MUC4: variants seen among roughly 807,000 people sequenced by gnomAD.
MUC4 encodes the protein mucin-4.
Under a neutral mutation model 257.9 loss-of-function variants are expected in MUC4, and 202 were observed. The observed-to-expected ratio is 0.78, with a 90% CI of 0.70 to 0.88. The LOEUF (loss-of-function observed/expected upper bound fraction) is 0.88. Among genes scored for constraint, MUC4 ranks in the 40% least tolerant of loss-of-function variants. MUC4 has a pLI of 0.00. For synonymous variants in MUC4, 2,351 were observed against 2,757.1 expected (o/e 0.85, Z 4.62); for missense variants, 5,976 against 6,513.7 (o/e 0.92, Z 2.84).
intron 16 of MUC4, 27 bp downstream of exon 16, chr3:195,760,857 G>A: frequency 1.9e-6 from 3 of 1,600,472 alleles, no homozygotes. Flanking sequence ...ACTCTGAAAA[G>A]GCCTCCCCAG....
At position 195,749,069 on chromosome 3, in the gene MUC4, C is replaced by T. The variant is rs551300123; in HGVS notation, c.15872-5G>A. The stretch of plus-strand genomic sequence containing the variant: ...CCTTCAGCGTGCTCACGTTCACTGT[C>T]GGGAAGGACACAGATTAACACAGAA... On this transcript the variant is annotated splice_polypyrimidine_tract_variant and splice_region_variant and intron_variant, in intron 23 of 24. Coordinates refer to ENST00000463781, the MANE Select transcript of MUC4 (RefSeq NM_018406.7). The T allele has an allele frequency of 9.3e-6, 15 of 1,609,280 alleles. No homozygotes were observed. Among genetic ancestry groups the T allele is most frequent in the African/African-American group, 2.7e-5 (2 of 74,810 alleles).
chr3:195,778,785 G>T lies in MUC4; in HGVS notation c.12790+5C>A. 6.2e-7 allele frequency: 1 copy of T among 1,605,706 alleles called. No homozygotes were observed. Among genetic ancestry groups the T allele is most frequent in the Non-Finnish European group, 8.5e-7 (1 of 1,175,408 alleles). ...AGACATAAAGGCGAGGCAGTTGGCA[G>T]CTACCTGGTGTTTCCATCTTCAGAG... On this transcript the variant is annotated splice_donor_5th_base_variant and intron_variant, in intron 2 of 24. Coordinates refer to ENST00000463781, the MANE Select transcript of MUC4 (RefSeq NM_018406.7).
At chr3:195,775,097 A>G (rs921927870) in intron 3 of MUC4, among the ~76,000 whole-genome samples, 2 of 152,082 alleles carry the variant, frequency 1.3e-5, no homozygotes, top group African/African-American at 2.4e-5. Flanking sequence ...TATTTCTCGC[A>G]GCTGCCGACT....
intron 14 of MUC4, among the ~76,000 whole-genome samples, 197 bp from the exon 15 acceptor site, chr3:195,761,782 G>A (rs1718975550): frequency 6.6e-6 from 1 of 152,144 alleles, no homozygotes; most frequent in South Asian, 2.1e-4. Flanking sequence ...GGGAGGAAAC[G>A]CGGGCAGCGG....
intron 23 of MUC4, among the ~76,000 whole-genome samples, chr3:195,749,285 TG>T (rs1419877911): frequency 6.6e-6 from 1 of 152,198 alleles, no homozygotes; most frequent in Non-Finnish European, 1.5e-5. Flanking sequence ...TACCAAGGGA[TG>T]GTGCTTCCTA....
intron 13 of MUC4, 50 bp from the exon 14 acceptor site, chr3:195,762,304 C>A: frequency 6.6e-7 from 1 of 1,513,568 alleles, no homozygotes. Flanking sequence ...CACCACGGCC[C>A]GCACCAAACC....
chr3:195,766,646 TA>T lies in MUC4; in HGVS notation c.13618+16del. 4.3e-6 allele frequency: 7 copies of T among 1,611,840 alleles called. No homozygotes were observed. Among genetic ancestry groups the T allele is most frequent in the Non-Finnish European group, 5.9e-6 (7 of 1,177,864 alleles). On this transcript the variant is annotated intron_variant, in intron 8 of 24. Transcript: ENST00000463781. ...GGGCTTGAGACCAGCTCAGGTGTGATAAGGTGGCACTTTTACCTGAGTTGGA... is the reference window on the plus strand; with the variant it reads ...GGGCTTGAGACCAGCTCAGGTGTGATAGGTGGCACTTTTACCTGAGTTGGA...
chr3:195,796,749 G>A (rs780309340), intron 1 of MUC4, among the ~76,000 whole-genome samples: 1 of 152,116 alleles, frequency 6.6e-6, no homozygotes, highest in African/African-American at 2.4e-5. Flanking sequence ...GCTAAGATGA[G>A]TTTACAGGCA....
At chr3:195,764,869 C>G (rs530139514) in intron 10 of MUC4, 128 bp downstream of exon 10, 1 of 1,358,112 alleles carries the variant, frequency 7.4e-7, no homozygotes, top group Non-Finnish European at 1.0e-6. Flanking sequence ...AGCTTCCTAA[C>G]GTTACCCGAT....
chr3:195,763,485 T>C lies in MUC4; in HGVS notation c.14201A>G (p.Asn4734Ser), dbSNP rs1719701287. ...GTACTGAGCCGCAAAGGCGATGAAG[T>C]TGGTGGCCTGGGCTGAGCCAGTCTG... is the stretch of plus-strand genomic sequence containing the variant. ...TAQTGSAQAT[N>S]FIAFAAQYRS... Residue 4734 changes from asparagine (N) to serine (S), a missense_variant, in exon 12 of 25, where the codon AAC (asparagine) becomes AGC (serine). Physicochemically the swap from Asn to Ser is conservative, Grantham distance 46. Around this residue, in one of 44 missense-constraint regions of MUC4, gnomAD observed 996 missense variants for 1,137.3 expected, o/e 0.88. Coordinates refer to ENST00000463781, the MANE Select transcript of MUC4 (RefSeq NM_018406.7). 3 of 1,512,682 alleles carry C rather than the reference T, an allele frequency of 2.0e-6. No homozygotes were observed. Among genetic ancestry groups the C allele is most frequent in the Non-Finnish European group, 2.7e-6 (3 of 1,124,448 alleles). The allele number at this position is 1,512,682 out of a possible 1,614,324, so 93.7% of individuals were successfully genotyped here. A position where few individuals can be genotyped will look rare whatever the true frequency, so the allele number is the denominator to read the frequency against.
At chr3:195,767,803 C>G (rs1721621535) in intron 7 of MUC4, among the ~76,000 whole-genome samples, 1 of 125,064 alleles carries the variant, frequency 8.0e-6, no homozygotes, top group Admixed American at 7.5e-5. Flanking sequence ...CCACCACCAT[C>G]ATCACCACCA....
intron 24 of MUC4, 60 bp from the exon 25 acceptor site, chr3:195,747,440 C>T: frequency 1.3e-6 from 2 of 1,548,942 alleles, no homozygotes; most frequent in Non-Finnish European, 1.8e-6. Flanking sequence ...CCCAGCCCCT[C>T]CTCTTCTGCT....
rs750815905 is a variant in MUC4, at chr3:195,779,905, G to C, written c.11675C>G (p.Thr3892Ser). 18 of 1,411,818 alleles carry C rather than the reference G, an allele frequency of 1.3e-5. 1 individual carries two copies. In the South Asian group the frequency reaches 2.5e-4, roughly 19 times the overall value. The allele number at this position is 1,411,818 out of a possible 1,614,324, so 87.5% of individuals were successfully genotyped here. ...STGDTTPLPVTDTSSASTRHA... is the reference protein window; with the variant it reads ...STGDTTPLPVSDTSSASTRHA... ...ACGTGTGGATGCTGAGGAAGTGTCG[G>C]TGACAGGAAGAGGGGTGGTGTCACC... The change falls in exon 2 of 25, where the codon ACC (threonine) becomes AGC (serine). Residue 3892 changes from threonine to serine, a missense_variant. By Grantham distance (58) the Thr-to-Ser change is moderately conservative (BLOSUM62 1). Around this residue, in one of 44 missense-constraint regions of MUC4, gnomAD observed 330 missense variants for 262.0 expected, o/e 1.26. Transcript: ENST00000463781.
In MUC4 at chr3:195,775,318, T is replaced by G. The variant is rs192980792; in HGVS notation, c.12944-1013A>C. Reference sequence around the variant, plus strand: ...TCTTCTCATTTTCAGCCACCCCAAATGCTTCGGGGATCCACCCCCATGCAG... The same window carrying G: ...TCTTCTCATTTTCAGCCACCCCAAAGGCTTCGGGGATCCACCCCCATGCAG... On this transcript the variant is annotated intron_variant, in intron 3 of 24. Coordinates refer to ENST00000463781, the MANE Select transcript of MUC4 (RefSeq NM_018406.7). Among the ~76,000 whole-genome samples, 42 of 68,874 alleles carry G rather than the reference T, an allele frequency of 6.1e-4. 2 individuals carry two copies. The highest frequency in any genetic ancestry group is 1.0e-3 in the Non-Finnish European group (35 of 35,044). The allele number at this position is 68,874 out of a possible 152,430, so 45.2% of individuals were successfully genotyped here. A position where few individuals can be genotyped will look rare whatever the true frequency, so the allele number is the denominator to read the frequency against.
At position 195,757,219 on chromosome 3, in the gene MUC4, C is replaced by G; in HGVS notation, c.15096G>C (p.Val5032=). The G allele has an allele frequency of 1.2e-6, 2 of 1,613,564 alleles. No homozygotes were observed. Among genetic ancestry groups the G allele is most frequent in the Non-Finnish European group, 1.7e-6 (2 of 1,179,546 alleles). Reference sequence around the variant, plus strand: ...GGCTCTCTGCATTGCAATGGCAGACCACAGTCCTGGGCTGGAGTGCAGATG... The same window carrying G: ...GGCTCTCTGCATTGCAATGGCAGACGACAGTCCTGGGCTGGAGTGCAGATG... ...GLASALQPRT[V]VCHCNAESQC... is the part of the protein sequence containing the mutation. The change falls in exon 18 of 25, where the codon GTG becomes GTC. Residue 5032 remains valine, a synonymous_variant. Transcript: ENST00000463781. The surrounding 1 kb of genome is among the most constrained non-coding windows in gnomAD (Gnocchi z 4.8).
chr3:195,754,862 T>C (rs1717264238), intron 18 of MUC4, among the ~76,000 whole-genome samples: 1 of 146,290 alleles, frequency 6.8e-6, no homozygotes, highest in Non-Finnish European at 1.5e-5. Context: ...TCCATGTAGA[T>C]ATGTATCAAT....
In MUC4 at chr3:195,786,978, G is replaced by A; in HGVS notation, c.4602C>T (p.Thr1534=). 7.2e-7 allele frequency: 1 copy of A among 1,385,134 alleles called. No individual in the cohort carries two copies. The highest frequency in any genetic ancestry group is 9.6e-7 in the Non-Finnish European group (1 of 1,040,862). The allele number at this position is 1,385,134 out of a possible 1,614,324, so 85.8% of individuals were successfully genotyped here. A position where few individuals can be genotyped will look rare whatever the true frequency, so the allele number is the denominator to read the frequency against. ...TSLSSASTGD[T]MPLPVTSPSS... ...AAGGGCTAGTGACAGGAAGAGGCAT[G>A]GTGTCACCTGTGGATGCTGAGGAAA... The change falls in exon 2 of 25, where the codon ACC becomes ACT. Residue 1534 remains threonine (T), a synonymous_variant. Transcript: ENST00000463781.
intron 3 of MUC4, among the ~76,000 whole-genome samples, chr3:195,775,012 C>A (rs997883204): frequency 4.6e-5 from 7 of 151,902 alleles, no homozygotes; most frequent in African/African-American, 1.7e-4. Flanking sequence ...TCCAGATAAA[C>A]TTGAAGACTC....
intron 21 of MUC4, chr3:195,751,990 A>G (rs842226): frequency 0.93 from 245,924 of 264,064 alleles, 114,807 homozygotes; most frequent in African/African-American, 0.99. Context: ...CCAACCACTC[A>G]GCAGTTGTGC....
Sources: allele counts gnomAD v4.1 joint callset (sites outside exome capture counted in the v4.1 genomes callset), GRCh38; gene constraint gnomAD v4.1.1; regional missense constraint gnomAD v4.1.1; non-coding constraint Gnocchi (gnomAD v3.1); transcripts MANE v1.5; gene names NCBI Gene and HGNC (gene_info 2026-07-23, HGNC 2026-07-21).